FBXL18: variants seen among roughly 807,000 people sequenced by gnomAD.
The protein encoded by FBXL18 is F-box/LRR-repeat protein 18.
FBXL18 carries 36 observed loss-of-function variants against 46.0 expected under a neutral mutation model. The ratio of observed to expected loss-of-function variants is 0.78; its 90% confidence interval spans 0.60 to 1.03. The LOEUF (loss-of-function observed/expected upper bound fraction) is 1.03, where lower values mean the gene tolerates loss of function less well. Among genes scored for constraint, FBXL18 ranks in the 50% least tolerant of loss-of-function variants. The pLI, the probability that FBXL18 is intolerant of heterozygous loss-of-function variation, is 0.00. For synonymous variants in FBXL18, 557 were observed against 465.3 expected (o/e 1.20, Z -2.54); for missense variants, 977 against 1,004.1 (o/e 0.97, Z 0.36).
intron 4 of FBXL18, among the ~76,000 whole-genome samples, chr7:5,457,435 AC>A (rs533077069): frequency 9.7e-4 from 147 of 152,260 alleles, no homozygotes; most frequent in African/African-American, 3.4e-3. Context: ...CTACCACTGC[AC>A]ATTTTCCATC....
rs572668247 is a variant in FBXL18, at chr7:5,513,306, G to T, written c.18+351C>A. Reference sequence around the variant, plus strand: ...GATGGAGTGGGACGTGGGCACGGAGGGGGAATGTCCCAGGGCTGCAGGGGC... The same window carrying T: ...GATGGAGTGGGACGTGGGCACGGAGTGGGAATGTCCCAGGGCTGCAGGGGC... On this transcript the variant is annotated intron_variant, in intron 1 of 4. Transcript: ENST00000382368. Among the ~76,000 whole-genome samples the T allele has an allele frequency of 2.4e-4, 37 of 152,222 alleles. No homozygotes were observed. The East Asian group carries it at 4.5e-3, about 18-fold the overall frequency.
At chr7:5,489,859 G>T in intron 4 of FBXL18, 1 of 512,660 alleles carries the variant, frequency 2.0e-6, no homozygotes, top group Non-Finnish European at 3.3e-6. Context: ...AGGAGGCTGA[G>T]GTTGCAACCC....
Position 5,510,100 on chromosome 7 carries a change from G to C in FBXL18, c.18+3557C>G, listed in dbSNP as rs565845627. On this transcript the variant is annotated intron_variant, in intron 1 of 4. Coordinates refer to ENST00000382368, the MANE Select transcript of FBXL18 (RefSeq NM_024963.6). The stretch of plus-strand genomic sequence containing the variant: ...GCAGATCACTTGACGTCAGGAGTTC[G>C]AGACTAGCCTGGCCAACATGGTGAA... Among the ~76,000 whole-genome samples, 13 of 151,964 alleles carry C rather than the reference G, an allele frequency of 8.6e-5. 1 individual carries two copies. In the South Asian group the frequency reaches 2.7e-3, roughly 32 times the overall value.
intron 1 of FBXL18, among the ~76,000 whole-genome samples, chr7:5,507,747 T>C (rs1411592940): frequency 6.6e-6 from 1 of 151,416 alleles, no homozygotes; most frequent in Non-Finnish European, 1.5e-5. Flanking sequence ...GGCAGGAGAA[T>C]CGCTTGAACC....
intron 4 of FBXL18, chr7:5,490,008 A>C: frequency 7.7e-7 from 1 of 1,304,142 alleles, no homozygotes; most frequent in Non-Finnish European, 1.0e-6. Context: ...CTCTATAAAC[A>C]CAAGTTGTTT....
At chr7:5,463,693 A>T (rs1783290137) in intron 4 of FBXL18, among the ~76,000 whole-genome samples, 1 of 43,644 alleles carries the variant, frequency 2.3e-5, no homozygotes, top group Non-Finnish European at 4.8e-5. Flanking sequence ...ATGCCCCTGA[A>T]CTATATATAT....
chr7:5,463,728 A>ATTTATTTATTTTTTAT, intron 4 of FBXL18, among the ~76,000 whole-genome samples: 1 of 53,036 alleles, frequency 1.9e-5, no homozygotes, highest in Non-Finnish European at 3.3e-5. Context: ...TTATTTATTT[A>ATTTATTTATTTTTTAT]TTTTTTTTTT....
At chr7:5,488,304 C>T (rs1194086280) in intron 4 of FBXL18, among the ~76,000 whole-genome samples, 1 of 152,186 alleles carries the variant, frequency 6.6e-6, no homozygotes, top group Non-Finnish European at 1.5e-5. Flanking sequence ...TCCGGTGCCA[C>T]GTCCAACCGA....
intron 4 of FBXL18, among the ~76,000 whole-genome samples, chr7:5,467,294 T>C (rs1316460474): frequency 6.6e-6 from 1 of 152,060 alleles, no homozygotes; most frequent in Non-Finnish European, 1.5e-5. Context: ...GAGCTTGCAG[T>C]GAGCCGAGAT....
At chr7:5,467,710 C>G (rs1031916755) in intron 4 of FBXL18, among the ~76,000 whole-genome samples, 1 of 152,108 alleles carries the variant, frequency 6.6e-6, no homozygotes, top group African/African-American at 2.4e-5. Flanking sequence ...AGTTCCTCCC[C>G]GTCAAAAAAT....
At chr7:5,474,686 T>TTTTTTTTTTTTATTTA (rs1554317766), downstream of FBXL18, among the ~76,000 whole-genome samples, 1 of 39,458 alleles carries the variant, frequency 2.5e-5, no homozygotes, top group African/African-American at 9.7e-5. Context: ...GCACTTTATT[T>TTTTTTTTTTTTATTTA]TTTATTTATT....
At chr7:5,513,500 C>A (rs548140065) in intron 1 of FBXL18, among the ~76,000 whole-genome samples, 157 bp downstream of exon 1, 2 of 150,630 alleles carry the variant, frequency 1.3e-5, no homozygotes, top group Non-Finnish European at 1.5e-5. Flanking sequence ...GCGGGAAGGA[C>A]GGGAGCAGGG....
intron 4 of FBXL18, among the ~76,000 whole-genome samples, chr7:5,462,546 C>T (rs1486096243): frequency 6.6e-6 from 1 of 152,208 alleles, no homozygotes; most frequent in South Asian, 2.1e-4. Flanking sequence ...TGGATTGTGG[C>T]CAAATGAGGT....
chr7:5,499,835 G>A (rs141082011), intron 3 of FBXL18, among the ~76,000 whole-genome samples: 5 of 151,740 alleles, frequency 3.3e-5, no homozygotes, highest in African/African-American at 7.3e-5. Flanking sequence ...CGAGATGGAG[G>A]ATCACTTAAG....
downstream of FBXL18, among the ~76,000 whole-genome samples, chr7:5,471,316 G>A (rs144410576): frequency 6.9e-4 from 105 of 152,188 alleles, no homozygotes; most frequent in African/African-American, 1.8e-3. Context: ...TCGCTCTGTC[G>A]CCCAGGCTGG....
At chr7:5,470,707 AGATGTCCCCTTCCCGGGGGGG>A (rs1465606305) in intron 4 of FBXL18, among the ~76,000 whole-genome samples, 1 of 2,508 alleles carries the variant, frequency 4.0e-4, no homozygotes, top group African/African-American at 3.8e-3. Flanking sequence ...CCCGGGGGGG[AGATGTCCCCTTCCCGGGGGGG>A]AGATGTCCAC....
intron 4 of FBXL18, among the ~76,000 whole-genome samples, chr7:5,485,773 C>T (rs1012107122): frequency 4.6e-5 from 7 of 151,998 alleles, no homozygotes; most frequent in African/African-American, 7.3e-5. Flanking sequence ...CGGGTGTGGC[C>T]GGGCGCGGTG....
At chr7:5,498,893 A>C (rs1784155966) in intron 3 of FBXL18, among the ~76,000 whole-genome samples, 1 of 152,216 alleles carries the variant, frequency 6.6e-6, no homozygotes, top group Admixed American at 6.5e-5. Flanking sequence ...TAATTTTTCA[A>C]GATCAGATTT....
At chr7:5,465,562 ACTC>A (rs1783329404) in intron 4 of FBXL18, among the ~76,000 whole-genome samples, 1 of 151,504 alleles carries the variant, frequency 6.6e-6, no homozygotes, top group Admixed American at 6.6e-5. Flanking sequence ...GCAGCTTTGA[ACTC>A]CTGGACTCAA....
Sources: allele counts gnomAD v4.1 joint callset (sites outside exome capture counted in the v4.1 genomes callset), GRCh38; gene constraint gnomAD v4.1.1; transcripts MANE v1.5; gene names NCBI Gene and HGNC (gene_info 2026-07-23, HGNC 2026-07-21).